IL1RAPL2: variants seen among roughly 807,000 people sequenced by gnomAD.
IL1RAPL2 encodes interleukin 1 receptor accessory protein like 2.
Under a neutral mutation model 44.1 loss-of-function variants are expected in IL1RAPL2, and 3 were observed. That is an observed-to-expected ratio of 0.07 (90% confidence interval 0.03 to 0.18). The LOEUF is 0.18. Ranked by LOEUF, IL1RAPL2 falls within the 10% of genes least tolerant of loss-of-function variation. The pLI is 1.00. For synonymous variants in IL1RAPL2, 181 were observed against 178.8 expected (o/e 1.01, Z -0.10); for missense variants, 391 against 496.4 (o/e 0.79, Z 2.02).
rs143964292 is a variant in IL1RAPL2, at chrX:104,756,063, A to C, written c.82+97068A>C. Among the ~76,000 whole-genome samples, 249 of 111,008 alleles carry C rather than the reference A, an allele frequency of 2.2e-3. 2 individuals are homozygous for C. The highest frequency in any genetic ancestry group is 7.9e-3 in the African/African-American group (243 of 30,667). ...CAGGTTGTTGTTCAAACTAAATCTTACCTCCTGCTTGTGTGATTTTTTTTG... is the reference window on the plus strand; with the variant it reads ...CAGGTTGTTGTTCAAACTAAATCTTCCCTCCTGCTTGTGTGATTTTTTTTG... On this transcript the variant is annotated intron_variant, in intron 2 of 10. Coordinates refer to ENST00000372582, the MANE Select transcript of IL1RAPL2 (RefSeq NM_017416.2).
intron 5 of IL1RAPL2, among the ~76,000 whole-genome samples, chrX:105,473,140 C>T (rs959301143): frequency 8.9e-6 from 1 of 111,746 alleles, no homozygotes; most frequent in Non-Finnish European, 1.9e-5. Flanking sequence ...TTAGGATTTA[C>T]ATTTTGGTTC....
At chrX:105,380,226 A>T (rs1396859556) in intron 5 of IL1RAPL2, among the ~76,000 whole-genome samples, 1 of 111,711 alleles carries the variant, frequency 9.0e-6, no homozygotes, top group Non-Finnish European at 1.9e-5. Context: ...TCATAAATGC[A>T]GTTGATCTGG....
intron 2 of IL1RAPL2, among the ~76,000 whole-genome samples, chrX:105,093,719 C>A (rs1293958400): frequency 9.0e-6 from 1 of 111,438 alleles, no homozygotes; most frequent in Non-Finnish European, 1.9e-5. Flanking sequence ...AGAAGGAGTG[C>A]AAAATTATAG....
intron 2 of IL1RAPL2, among the ~76,000 whole-genome samples, chrX:104,847,495 A>G (rs1380275834): frequency 9.0e-6 from 1 of 111,236 alleles, no homozygotes; most frequent in Non-Finnish European, 1.9e-5. Flanking sequence ...CAAAGATCAG[A>G]TGGTTGTAGA....
In IL1RAPL2 at chrX:104,918,867, G is replaced by A. The variant is rs146545258; in HGVS notation, c.82+259872G>A. 5.0e-3 allele frequency among the ~76,000 whole-genome samples: 558 copies of A among 111,583 alleles called. 3 individuals are homozygous for A. The highest frequency in any genetic ancestry group is 7.8e-3 in the Non-Finnish European group (416 of 53,153). On this transcript the variant is annotated intron_variant, in intron 2 of 10. Transcript: ENST00000372582. ...ATTGTTTCTCAAATTTATTTTTAAA[G>A]CCTTGATGTCCTTTGAACAAGATAG...
chrX:104,620,950 T>C lies in IL1RAPL2; in HGVS notation c.-19-37945T>C, dbSNP rs201455054. Among the ~76,000 whole-genome samples the C allele has an allele frequency of 3.0e-5, 3 of 98,813 alleles. No individual in the cohort carries two copies. The East Asian group carries it at 8.6e-4, about 28-fold the overall frequency. 85.8% of individuals were successfully genotyped at this position (98,813 alleles called of 115,157 possible). A position where few individuals can be genotyped will look rare whatever the true frequency, so the allele number is the denominator to read the frequency against. On this transcript the variant is annotated intron_variant, in intron 1 of 10. Coordinates refer to ENST00000372582, the MANE Select transcript of IL1RAPL2 (RefSeq NM_017416.2). ...ATAATTTATATAATAATATAATATATAAATTCTATAATTTATATAATAATA... is the reference window on the plus strand; with the variant it reads ...ATAATTTATATAATAATATAATATACAAATTCTATAATTTATATAATAATA...
At chrX:105,425,933 C>T (rs1293387497) in intron 5 of IL1RAPL2, among the ~76,000 whole-genome samples, 2 of 110,230 alleles carry the variant, frequency 1.8e-5, no homozygotes, top group Admixed American at 9.7e-5. Context: ...AAGGTGCCCC[C>T]TCTTCCTGTT....
At chrX:104,725,114 T>C (rs1931762307) in intron 2 of IL1RAPL2, among the ~76,000 whole-genome samples, 1 of 111,383 alleles carries the variant, frequency 9.0e-6, no homozygotes. Context: ...AGCTACCACT[T>C]ATGAGTGAGA....
chrX:105,457,264 C>T (rs997417916), intron 5 of IL1RAPL2, among the ~76,000 whole-genome samples: 2 of 111,477 alleles, frequency 1.8e-5, no homozygotes, highest in South Asian at 3.7e-4. Flanking sequence ...ACATAATATT[C>T]ATCATTTTAA....
At position 104,658,972 on chromosome X, in the gene IL1RAPL2, A is replaced by C. The variant is rs1230121004; in HGVS notation, c.59A>C (p.Lys20Thr). 8.3e-7 allele frequency: 1 copy of C among 1,203,332 alleles called. No homozygotes were observed. Among genetic ancestry groups the C allele is most frequent in the Non-Finnish European group, 1.1e-6 (1 of 890,295 alleles). Residue 20 changes from lysine to threonine, a missense_variant, in exon 2 of 11, where the codon AAG becomes ACG. Around this residue, in one of 2 missense-constraint regions of IL1RAPL2, gnomAD observed 159 missense variants for 251.7 expected, o/e 0.63. Transcript: ENST00000372582. ...TGTTCTGTAGTCAGCACAAATCTGA[A>C]GATGGTGTCAAAGAGAAATTCTGGT... ...VVCSVVSTNL[K>T]MVSKRNSVDG...
chrX:104,764,265 A>T (rs183785550), intron 2 of IL1RAPL2, among the ~76,000 whole-genome samples: 67 of 110,486 alleles, frequency 6.1e-4, no homozygotes, highest in Middle Eastern at 4.6e-3. Context: ...TTCATTATAG[A>T]GATTTTTTAC....
At chrX:105,416,282 T>C (rs1195289812) in intron 5 of IL1RAPL2, among the ~76,000 whole-genome samples, 3 of 112,088 alleles carry the variant, frequency 2.7e-5, no homozygotes, top group Non-Finnish European at 5.6e-5. Context: ...TCTCTATCTT[T>C]TGCTGCTATT....
chrX:104,839,740 T>A (rs1349781804), intron 2 of IL1RAPL2, among the ~76,000 whole-genome samples: 1 of 111,803 alleles, frequency 8.9e-6, no homozygotes, highest in African/African-American at 3.3e-5. Flanking sequence ...TTTCGTAGGC[T>A]ACTAATTACT....
At chrX:104,936,615 C>T (rs1321631442) in intron 2 of IL1RAPL2, among the ~76,000 whole-genome samples, 1 of 104,346 alleles carries the variant, frequency 9.6e-6, no homozygotes, top group African/African-American at 3.7e-5. Flanking sequence ...TTGCATTTAC[C>T]AGACTCTTTT....
At chrX:105,219,590 C>T (rs782369075) in intron 3 of IL1RAPL2, 1 of 1,209,986 alleles carries the variant, frequency 8.3e-7, no homozygotes, top group East Asian at 3.0e-5. Context: ...GCAGCCACAA[C>T]CTCCACATCC....
At chrX:105,174,092 C>T (rs1346981062) in intron 2 of IL1RAPL2, among the ~76,000 whole-genome samples, 1 of 111,132 alleles carries the variant, frequency 9.0e-6, no homozygotes, top group Non-Finnish European at 1.9e-5. Flanking sequence ...CATCTTTACC[C>T]TCCTACCACT....
intron 2 of IL1RAPL2, among the ~76,000 whole-genome samples, chrX:104,814,554 T>C (rs1921085788): frequency 8.9e-6 from 1 of 111,999 alleles, no homozygotes; most frequent in Admixed American, 9.5e-5. Flanking sequence ...CCTGCCACCT[T>C]ATTGTACAAA....
intron 1 of IL1RAPL2, among the ~76,000 whole-genome samples, chrX:104,585,403 T>TATATA (rs1556438645): frequency 0.02 from 301 of 15,383 alleles, 28 homozygotes; most frequent in African/African-American, 0.089. Flanking sequence ...TAATATATAA[T>TATATA]ATATATATAA....
At chrX:104,636,139 C>T (rs943062134) in intron 1 of IL1RAPL2, among the ~76,000 whole-genome samples, 1 of 111,888 alleles carries the variant, frequency 8.9e-6, no homozygotes, top group Non-Finnish European at 1.9e-5. Context: ...GTATCAGCAG[C>T]GGAGGCTGCA....
Sources: gnomAD v4.1 joint callset for allele counts (sites outside exome capture counted in the v4.1 genomes callset) on GRCh38, gnomAD v4.1.1 for gene constraint, gnomAD v4.1.1 regional missense constraint, MANE v1.5 for transcripts, NCBI Gene and HGNC (gene_info 2026-07-23, HGNC 2026-07-21) for gene names.